ZCCHC2: variants seen among roughly 807,000 people sequenced by gnomAD.
ZCCHC2 encodes the protein zinc finger CCHC domain-containing protein 2.
Under a neutral mutation model 103.6 loss-of-function variants are expected in ZCCHC2, and 39 were observed. The observed-to-expected ratio is 0.38, with a 90% CI of 0.29 to 0.49. ZCCHC2 has a LOEUF of 0.49. Among genes scored for constraint, ZCCHC2 ranks in the 20% least tolerant of loss-of-function variants. The probability of loss-of-function intolerance (pLI) is 0.96; values close to 1 mark genes in which losing one functional copy is unlikely to be tolerated. For missense variants in ZCCHC2, 1,483 were observed against 1,491.0 expected (o/e 0.99, Z 0.09); for synonymous variants, 687 against 608.9 (o/e 1.13, Z -1.89).
Position 62,576,515 on chromosome 18 carries a change from C to T in ZCCHC2, c.3473C>T (p.Thr1158Ile), listed in dbSNP as rs1916848025. 1 of 1,613,368 alleles carries T rather than the reference C, an allele frequency of 6.2e-7. No individual in the cohort carries two copies. Among genetic ancestry groups the T allele is most frequent in the African/African-American group, 1.3e-5 (1 of 74,898 alleles). Residue 1158 changes from threonine (T) to isoleucine (I), a missense_variant, in exon 14 of 14, where the codon ACT becomes ATT. This residue lies in a region of ZCCHC2 where 884 missense variants were observed against 907.5 expected (regional missense o/e 0.97). Coordinates refer to ENST00000269499, the MANE Select transcript of ZCCHC2 (RefSeq NM_017742.6). The part of the protein sequence containing the change: ...QSSMEANQQG[T>I]YRLRYAPPLP... Reference sequence around the variant, plus strand: ...AGTTCTGTCTTTCCCATTTTAGGCACTTACAGACTGAGATACGCACCTCCC... The same window carrying T: ...AGTTCTGTCTTTCCCATTTTAGGCATTTACAGACTGAGATACGCACCTCCC...
exon 15 of ZCCHC2, chr18:62,584,750 G>T (rs1292265085): frequency 1.3e-5 from 2 of 152,236 alleles, no homozygotes; most frequent in East Asian, 3.9e-4. Context: ...TTTCCTGCGT[G>T]CATTTGGTCA....
chr18:62,540,606 C>T (rs1410775867), intron 2 of ZCCHC2, among the ~76,000 whole-genome samples: 1 of 152,124 alleles, frequency 6.6e-6, no homozygotes, highest in Non-Finnish European at 1.5e-5. Flanking sequence ...TTTAATCAGA[C>T]TACTTCAGCT....
chr18:62,556,693 C>T (rs1384992010), intron 6 of ZCCHC2, among the ~76,000 whole-genome samples: 2 of 152,140 alleles, frequency 1.3e-5, no homozygotes, highest in African/African-American at 4.8e-5. Flanking sequence ...TAGCCCTGTT[C>T]TTCTCACTCT....
At position 62,523,778 on chromosome 18, in the gene ZCCHC2, G is replaced by A; in HGVS notation, c.354G>A (p.Leu118=). 6.5e-7 allele frequency: 1 copy of A among 1,538,310 alleles called. No individual in the cohort carries two copies. The highest frequency in any genetic ancestry group is 8.7e-7 in the Non-Finnish European group (1 of 1,145,846). Residue 118 remains leucine (L), a synonymous_variant, in exon 1 of 14, where the codon CTG becomes CTA. Coordinates refer to ENST00000269499, the MANE Select transcript of ZCCHC2 (RefSeq NM_017742.6). ...AGCGCCTGGAGTTCATGTGCGGGCT[G>A]CTGGACCTGTGCAACCCGCTGGAGC... is the stretch of plus-strand genomic sequence containing the variant. ...SAQRLEFMCG[L]LDLCNPLELR...
intron 12 of ZCCHC2, among the ~76,000 whole-genome samples, chr18:62,570,993 C>T (rs992464335): frequency 2.0e-5 from 3 of 152,294 alleles, no homozygotes; most frequent in South Asian, 2.1e-4. Flanking sequence ...ATGAGCAAAA[C>T]GTTTTAGGTT....
intron 1 of ZCCHC2, among the ~76,000 whole-genome samples, chr18:62,533,301 G>A (rs946861524): frequency 5.9e-5 from 9 of 152,142 alleles, no homozygotes; most frequent in Non-Finnish European, 1.3e-4. Context: ...CGAGGCGGGT[G>A]GATCACTTGA....
chr18:62,559,068 A>G (rs1916010673), intron 7 of ZCCHC2, among the ~76,000 whole-genome samples: 1 of 152,266 alleles, frequency 6.6e-6, no homozygotes, highest in Admixed American at 6.5e-5. Context: ...AAGACATTCA[A>G]GTGAATAACA....
intron 1 of ZCCHC2, among the ~76,000 whole-genome samples, chr18:62,537,170 A>T (rs1914963558): frequency 6.6e-6 from 1 of 152,056 alleles, no homozygotes; most frequent in Non-Finnish European, 1.5e-5. Flanking sequence ...CCTGGTAACT[A>T]CTATTCTACT....
At chr18:62,536,216 G>A (rs982906052) in intron 1 of ZCCHC2, among the ~76,000 whole-genome samples, 1 of 152,214 alleles carries the variant, frequency 6.6e-6, no homozygotes, top group African/African-American at 2.4e-5. Context: ...TGCCGTGTAG[G>A]TTTGTGCTAA....
chr18:62,551,950 T>G (rs1398542025), intron 5 of ZCCHC2: 1 of 152,152 alleles, frequency 6.6e-6, no homozygotes, highest in Non-Finnish European at 1.5e-5. Context: ...TGTCATTGAC[T>G]GTTACGGCCC....
In ZCCHC2 at chr18:62,524,379, C is replaced by G. The variant is rs1568532957; in HGVS notation, c.939+16C>G. 6.8e-7 allele frequency: 1 copy of G among 1,464,122 alleles called. No homozygotes were observed. The highest frequency in any genetic ancestry group is 9.0e-7 in the Non-Finnish European group (1 of 1,112,510). The allele number at this position is 1,464,122 out of a possible 1,614,324, so 90.7% of individuals were successfully genotyped here. ...CAGGGCCCAGGTAAGGCGCACGGAGCCTCCCTGGACTCGCGGTGCGATCGC... is the reference window on the plus strand; with the variant it reads ...CAGGGCCCAGGTAAGGCGCACGGAGGCTCCCTGGACTCGCGGTGCGATCGC... On this transcript the variant is annotated intron_variant, in intron 1 of 13. Transcript: ENST00000269499.
chr18:62,575,400 T>A lies in ZCCHC2; in HGVS notation c.3319T>A (p.Phe1107Ile), dbSNP rs1916798960. ...GMQQMAGFGR[F>I]YPVYPAPNVV... is the part of the protein sequence containing the mutation. Reference sequence around the variant, plus strand: ...GCAGCAGATGGCAGGATTTGGGAGATTCTATCCTGTATATCCAGCACCTAA... The same window carrying A: ...GCAGCAGATGGCAGGATTTGGGAGAATCTATCCTGTATATCCAGCACCTAA... Residue 1107 changes from phenylalanine (F) to isoleucine (I), a missense_variant, in exon 13 of 14, where the codon TTC becomes ATC. Phe to Ile is a conservative substitution (Grantham distance 21, BLOSUM62 0). Transcript: ENST00000269499. 6.2e-7 allele frequency: 1 copy of A among 1,613,966 alleles called. No individual in the cohort carries two copies. The highest frequency in any genetic ancestry group is 8.5e-7 in the Non-Finnish European group (1 of 1,179,898).
chr18:62,539,638 A>G, intron 1 of ZCCHC2, 43 bp from the exon 2 acceptor site: 1 of 1,481,210 alleles, frequency 6.8e-7, no homozygotes, highest in Non-Finnish European at 9.2e-7. Context: ...TATTACTCTT[A>G]GTCCATGGTT....
intron 6 of ZCCHC2, among the ~76,000 whole-genome samples, chr18:62,558,019 G>A (rs997674652): frequency 6.8e-6 from 1 of 146,964 alleles, no homozygotes; most frequent in Non-Finnish European, 1.5e-5. Flanking sequence ...ACACTGTTGG[G>A]TTTTTTTTTT....
intron 1 of ZCCHC2, among the ~76,000 whole-genome samples, chr18:62,528,555 C>T (rs1049931404): frequency 2.0e-5 from 3 of 149,930 alleles, no homozygotes; most frequent in African/African-American, 7.4e-5. Context: ...GCCGAGGTGG[C>T]GCCACTGCAC....
In ZCCHC2 at chr18:62,575,109, G is replaced by A. The variant is rs751425798; in HGVS notation, c.3028G>A (p.Gly1010Ser). 1.9e-6 allele frequency: 3 copies of A among 1,614,058 alleles called. No individual in the cohort carries two copies. The East Asian group carries it at 6.7e-5, about 36-fold the overall frequency. ...TVVPPQQMGS[G>S]PCGSCGRRCS... ...AGTGCCACCGCAGCAGATGGGCTCA[G>A]GTCCTTGTGGTTCTTGTGGGCGAAG... is the stretch of plus-strand genomic sequence containing the variant. Residue 1010 changes from glycine to serine, a missense_variant, in exon 13 of 14, where the codon GGT (glycine) becomes AGT (serine). By Grantham distance (56) the Gly-to-Ser change is moderately conservative. Coordinates refer to ENST00000269499, the MANE Select transcript of ZCCHC2 (RefSeq NM_017742.6).
chr18:62,583,675 C>CT, intron 14 of ZCCHC2, among the ~76,000 whole-genome samples: 1 of 152,032 alleles, frequency 6.6e-6, no homozygotes, highest in Admixed American at 6.5e-5. Context: ...TGACCCCCCC[C>CT]TCCACCCAAC....
chr18:62,539,668 C>T lies in ZCCHC2; in HGVS notation c.940-13C>T. 1 of 1,567,236 alleles carries T rather than the reference C, an allele frequency of 6.4e-7. No individual in the cohort carries two copies. Among genetic ancestry groups the T allele is most frequent in the South Asian group, 1.2e-5 (1 of 85,250 alleles). ...ATGGTTTAAGTTAACGTATCTCCCT[C>T]TTTCTCATCTAGAACAACTCTGCTC... On this transcript the variant is annotated splice_polypyrimidine_tract_variant and intron_variant, in intron 1 of 13. Transcript: ENST00000269499.
intron 4 of ZCCHC2, among the ~76,000 whole-genome samples, chr18:62,547,617 A>G (rs986750541): frequency 6.6e-6 from 1 of 150,848 alleles, no homozygotes; most frequent in Non-Finnish European, 1.5e-5. Flanking sequence ...AAGTGTAGTG[A>G]CACCATCTTG....
Sources: gnomAD v4.1 joint callset for allele counts (sites outside exome capture counted in the v4.1 genomes callset) on GRCh38, gnomAD v4.1.1 for gene constraint, gnomAD v4.1.1 regional missense constraint, MANE v1.5 for transcripts, NCBI Gene and HGNC (gene_info 2026-07-23, HGNC 2026-07-21) for gene names.